The following SEPTIN9 variants were observed in gnomAD, a reference collection of about 807,000 sequenced individuals.
The protein encoded by SEPTIN9 is septin 9.
In SEPTIN9, 13 loss-of-function variants were observed where a neutral mutation model predicts 56.6. The observed-to-expected ratio is 0.23, with a 90% CI of 0.15 to 0.37. The LOEUF (loss-of-function observed/expected upper bound fraction) is 0.37. SEPTIN9 is among the 10% of genes least tolerant of loss of function. SEPTIN9 has a pLI of 1.00. For missense variants in SEPTIN9, 650 were observed against 823.1 expected (o/e 0.79, Z 2.57); for synonymous variants, 332 against 334.1 (o/e 0.99, Z 0.07).
chr17:77,498,376 C>T (rs1019633758), intron 11 of SEPTIN9, 147 bp from the exon 12 acceptor site: 1 of 637,558 alleles, frequency 1.6e-6, no homozygotes, highest in Non-Finnish European at 2.8e-6. Flanking sequence ...GCCTGGGGGA[C>T]CCCATGGGGA....
intron 1 of SEPTIN9, among the ~76,000 whole-genome samples, chr17:77,291,610 C>T (rs76535059): frequency 0.14 from 20,630 of 151,970 alleles, 1,531 homozygotes; most frequent in Middle Eastern, 0.15. Flanking sequence ...CCAGCCTGGG[C>T]AAAGAGAGTG....
chr17:77,464,863 G>A (rs1044510079), intron 3 of SEPTIN9, among the ~76,000 whole-genome samples: 9 of 152,198 alleles, frequency 5.9e-5, no homozygotes, highest in African/African-American at 2.2e-4. Flanking sequence ...AAAGTGCTGG[G>A]ATTACAGGCA....
rs2033192438 is a variant in SEPTIN9, at chr17:77,327,680, G to A, written c.76+20483G>A. Among the ~76,000 whole-genome samples, 4 of 152,146 alleles carry A rather than the reference G, an allele frequency of 2.6e-5. No individual in the cohort carries two copies. In the South Asian group the frequency reaches 6.2e-4, roughly 24 times the overall value. ...CAGAGAGTGGCGCAGATCTCAGCCC[G>A]GAGACTCCCTCTGCCTGTGGACGCC... On this transcript the variant is annotated intron_variant, in intron 2 of 11. Coordinates refer to ENST00000427177, the MANE Select transcript of SEPTIN9 (RefSeq NM_001113491.2). The surrounding 1 kb of genome is among the most constrained non-coding windows in gnomAD (Gnocchi z 5.0).
intron 2 of SEPTIN9, among the ~76,000 whole-genome samples, chr17:77,311,356 G>A (rs967882971): frequency 6.6e-6 from 1 of 152,038 alleles, no homozygotes; most frequent in Admixed American, 6.6e-5. Flanking sequence ...GTCCATTATG[G>A]CAGCCACAGG....
At chr17:77,477,122 CT>C (rs1469556631) in intron 3 of SEPTIN9, among the ~76,000 whole-genome samples, 1 of 151,710 alleles carries the variant, frequency 6.6e-6, no homozygotes, top group Non-Finnish European at 1.5e-5. Flanking sequence ...TTCCTTCCCC[CT>C]CCCTCCTTCC....
chr17:77,491,009 C>A, intron 8 of SEPTIN9, 150 bp downstream of exon 8: 1 of 681,798 alleles, frequency 1.5e-6, no homozygotes, highest in Non-Finnish European at 2.6e-6. Flanking sequence ...CCTGGTGGTC[C>A]CTGGCCCAGG....
intron 3 of SEPTIN9, among the ~76,000 whole-genome samples, chr17:77,420,954 G>A (rs1351216927): frequency 6.6e-6 from 1 of 152,244 alleles, no homozygotes; most frequent in Non-Finnish European, 1.5e-5. Context: ...GGCGCAGAGA[G>A]CTTCAGCCAC....
At chr17:77,351,989 G>A (rs1333396198) in intron 2 of SEPTIN9, among the ~76,000 whole-genome samples, 1 of 152,208 alleles carries the variant, frequency 6.6e-6, no homozygotes, top group Non-Finnish European at 1.5e-5. Flanking sequence ...CCCTGCAGAT[G>A]AGACAAAATA....
At chr17:77,496,031 C>CT (rs534634574) in intron 10 of SEPTIN9, among the ~76,000 whole-genome samples, 4,820 of 140,134 alleles carry the variant, frequency 0.034, 123 homozygotes, top group African/African-American at 0.051. Flanking sequence ...TTTTCTTTTT[C>CT]TTTTTTTTTT....
intron 3 of SEPTIN9, among the ~76,000 whole-genome samples, chr17:77,452,324 G>A (rs1005403803): frequency 1.1e-4 from 16 of 152,200 alleles, no homozygotes; most frequent in East Asian, 9.6e-4. Context: ...GGTGGTCCCC[G>A]GCCTCAAAGC....
At chr17:77,454,607 G>A (rs1448722850) in intron 3 of SEPTIN9, among the ~76,000 whole-genome samples, 5 of 152,232 alleles carry the variant, frequency 3.3e-5, no homozygotes, top group Non-Finnish European at 1.5e-5. Context: ...GGAATCATGG[G>A]AGCCTTGCTC....
In SEPTIN9 at chr17:77,319,651, CAG is replaced by C; in HGVS notation, c.76+12455_76+12456del. ...CCTCCTGCCCAGCCACGTTGGGGTACAGGGTGAAGAAGGGCTGGGGCCAGCCC... is the reference window on the plus strand; with the variant it reads ...CCTCCTGCCCAGCCACGTTGGGGTACGGTGAAGAAGGGCTGGGGCCAGCCC... On this transcript the variant is annotated intron_variant, in intron 2 of 11. Transcript: ENST00000427177. This position sits in a 1 kb window ranked among gnomAD's most constrained non-coding sequence, Gnocchi z 5.3. 5 of 1,062,964 alleles carry C rather than the reference CAG, an allele frequency of 4.7e-6. No individual in the cohort carries two copies. The South Asian group carries it at 2.3e-4, about 48-fold the overall frequency. 65.8% of individuals were successfully genotyped at this position (1,062,964 alleles called of 1,614,324 possible).
In SEPTIN9 at chr17:77,342,088, C is replaced by G. The variant is rs184442833; in HGVS notation, c.76+34891C>G. 2.9e-3 allele frequency among the ~76,000 whole-genome samples: 409 copies of G among 142,196 alleles called. 1 individual carries two copies. The highest frequency in any genetic ancestry group is 9.8e-3 in the African/African-American group (380 of 38,952). The allele number at this position is 142,196 out of a possible 152,430, so 93.3% of individuals were successfully genotyped here. On this transcript the variant is annotated intron_variant, in intron 2 of 11. Coordinates refer to ENST00000427177, the MANE Select transcript of SEPTIN9 (RefSeq NM_001113491.2). ...AGACTCTGTCTCAAAAAAAAAAAAA[C>G]AAAGAAAGAAAAAAGAAAAAAGAGA...
rs143109248 is a variant in SEPTIN9 at position 77,307,148 on chromosome 17, G to T, written c.27G>T (p.Thr9=). ...CTTTGTCTCTGTCTTTAGGAGGCAC[G>T]CGGACCTCCAGTGGCCGGCTCCGGA... The part of the protein sequence containing the change: MKKSYSGG[T]RTSSGRLRRL... The change falls in exon 2 of 12, where the codon ACG becomes ACT. Residue 9 remains threonine (T), a synonymous_variant. Coordinates refer to ENST00000427177, the MANE Select transcript of SEPTIN9 (RefSeq NM_001113491.2). The T allele has an allele frequency of 3.1e-4, 503 of 1,613,912 alleles. 1 individual carries two copies. In the African/African-American group the frequency reaches 6.5e-3, roughly 21 times the overall value.
chr17:77,361,354 A>G (rs1456635715), intron 2 of SEPTIN9, among the ~76,000 whole-genome samples: 1 of 151,312 alleles, frequency 6.6e-6, no homozygotes, highest in Non-Finnish European at 1.5e-5. Flanking sequence ...GACCATCTGC[A>G]TGTCACTCCC....
At chr17:77,375,774 AGC>A (rs2143931174) in intron 2 of SEPTIN9, 2 of 152,508 alleles carry the variant, frequency 1.3e-5, no homozygotes, top group South Asian at 4.1e-4. Flanking sequence ...CTGGTCTTAG[AGC>A]CATCAGGTGG....
chr17:77,464,325 A>T (rs943473490), intron 3 of SEPTIN9, among the ~76,000 whole-genome samples: 2 of 152,148 alleles, frequency 1.3e-5, no homozygotes, highest in Non-Finnish European at 2.9e-5. Context: ...TAATTGGCCC[A>T]TGTCGGCTTC....
intron 2 of SEPTIN9, among the ~76,000 whole-genome samples, chr17:77,347,714 G>A (rs149377120): frequency 1.1e-3 from 174 of 152,072 alleles, no homozygotes; most frequent in South Asian, 5.6e-3. Context: ...ACCATGGTGC[G>A]AACGTGGTAT....
intron 1 of SEPTIN9, among the ~76,000 whole-genome samples, chr17:77,305,925 T>C (rs935996824): frequency 1.3e-5 from 1 of 74,556 alleles, no homozygotes. Flanking sequence ...GGTGGGTGGG[T>C]GGATGGATGG....
Sources: gnomAD v4.1 joint callset for allele counts (sites outside exome capture counted in the v4.1 genomes callset) on GRCh38, gnomAD v4.1.1 for gene constraint, Gnocchi (gnomAD v3.1) non-coding constraint, MANE v1.5 for transcripts, NCBI Gene and HGNC (gene_info 2026-07-23, HGNC 2026-07-21) for gene names.